CMIP: variants seen among roughly 807,000 people sequenced by gnomAD.
The protein encoded by CMIP is c-Maf inducing protein, also known as C-Maf-inducing protein.
Under a neutral mutation model 97.3 loss-of-function variants are expected in CMIP, and 13 were observed. That is an observed-to-expected ratio of 0.13 (90% CI 0.09 to 0.21). The LOEUF (loss-of-function observed/expected upper bound fraction) is 0.21. Among genes scored for constraint, CMIP ranks in the 10% least tolerant of loss-of-function variants. CMIP has a pLI of 1.00. For synonymous variants in CMIP, 538 were observed against 436.3 expected (o/e 1.23, Z -2.91); for missense variants, 847 against 1,024.9 (o/e 0.83, Z 2.37).
intron 1 of CMIP, among the ~76,000 whole-genome samples, chr16:81,547,609 CGG>C (rs1234121128): frequency 1.3e-5 from 2 of 148,674 alleles, no homozygotes; most frequent in African/African-American, 5.1e-5. Context: ...GGGTGGGAAG[CGG>C]GGGAGGAGGA....
intron 1 of CMIP, among the ~76,000 whole-genome samples, chr16:81,463,204 A>G (rs182773144): frequency 1.1e-3 from 167 of 152,278 alleles, no homozygotes; most frequent in African/African-American, 3.9e-3. Context: ...GGTTGTTAAC[A>G]TTTTAAGGAC....
intron 3 of CMIP, among the ~76,000 whole-genome samples, chr16:81,650,860 A>C (rs1020823963): frequency 1.3e-5 from 2 of 152,206 alleles, no homozygotes; most frequent in African/African-American, 4.8e-5. Flanking sequence ...AGGAAGAACC[A>C]GATCTTTCCG....
chr16:81,615,703 C>T (rs974386178), intron 2 of CMIP, among the ~76,000 whole-genome samples: 3 of 111,196 alleles, frequency 2.7e-5, no homozygotes, highest in South Asian at 3.0e-4. Flanking sequence ...CCTTGTGTGT[C>T]GTGTGTGTGC....
intron 2 of CMIP, among the ~76,000 whole-genome samples, chr16:81,615,052 GTC>G (rs1483120795): frequency 6.7e-6 from 1 of 149,614 alleles, no homozygotes; most frequent in Non-Finnish European, 1.5e-5. Context: ...GTATCTGTGT[GTC>G]TGTGTGAGGT....
In CMIP at chr16:81,552,143, C is replaced by T. The variant is rs369105355; in HGVS notation, c.301-55424C>T. Among the ~76,000 whole-genome samples, 5 of 152,184 alleles carry T rather than the reference C, an allele frequency of 3.3e-5. No homozygotes were observed. The East Asian group carries it at 9.7e-4, about 29-fold the overall frequency. On this transcript the variant is annotated intron_variant, in intron 1 of 20. Coordinates refer to ENST00000537098, the MANE Select transcript of CMIP (RefSeq NM_198390.3). ...TCCAGGCCCAGTTGTGTAGCGGTGGCCTGGCTGCAAGGGGGCAGGGAGTTG... is the reference window on the plus strand; with the variant it reads ...TCCAGGCCCAGTTGTGTAGCGGTGGTCTGGCTGCAAGGGGGCAGGGAGTTG...
At chr16:81,505,894 C>G (rs2089700371) in intron 1 of CMIP, among the ~76,000 whole-genome samples, 1 of 152,226 alleles carries the variant, frequency 6.6e-6, no homozygotes, top group South Asian at 2.1e-4. Context: ...ATTCGGGAGG[C>G]TGAGGCAGGA....
At chr16:81,629,791 C>G (rs1043334281) in intron 3 of CMIP, among the ~76,000 whole-genome samples, 1 of 152,230 alleles carries the variant, frequency 6.6e-6, no homozygotes, top group Non-Finnish European at 1.5e-5. Context: ...CAGAATCGTC[C>G]GTGAAGAGGC....
At chr16:81,574,867 G>C (rs146705113) in intron 1 of CMIP, among the ~76,000 whole-genome samples, 2 of 152,314 alleles carry the variant, frequency 1.3e-5, no homozygotes, top group African/African-American at 4.8e-5. Context: ...GCAAGGACAG[G>C]ATTGTCCCCT....
At chr16:81,513,234 C>G (rs948441836) in intron 1 of CMIP, among the ~76,000 whole-genome samples, 1 of 152,198 alleles carries the variant, frequency 6.6e-6, no homozygotes, top group African/African-American at 2.4e-5. Context: ...CTGCCTGCAT[C>G]CGTTGCTGCT....
At chr16:81,637,174 A>T (rs2092247991) in intron 3 of CMIP, among the ~76,000 whole-genome samples, 1 of 151,960 alleles carries the variant, frequency 6.6e-6, no homozygotes, top group Non-Finnish European at 1.5e-5. Context: ...GGGTTCAAGC[A>T]TTTCTCCTGC....
intron 1 of CMIP, among the ~76,000 whole-genome samples, chr16:81,561,376 G>C (rs1050987156): frequency 7.9e-5 from 12 of 152,218 alleles, no homozygotes; most frequent in Non-Finnish European, 1.8e-4. Context: ...ACATTGAACA[G>C]AGCTGTGAAT....
chr16:81,586,098 C>CT (rs1008861922), intron 1 of CMIP, among the ~76,000 whole-genome samples: 18 of 117,470 alleles, frequency 1.5e-4, no homozygotes, highest in East Asian at 1.1e-3. Flanking sequence ...GTGCTCCTAT[C>CT]TTTTTTTTTT....
intron 1 of CMIP, among the ~76,000 whole-genome samples, chr16:81,584,335 A>G (rs2091345392): frequency 1.3e-5 from 2 of 152,244 alleles, no homozygotes; most frequent in African/African-American, 4.8e-5. Context: ...GATGTCCTCC[A>G]GCAAGCACTC....
chr16:81,604,876 C>T (rs148009812), intron 1 of CMIP, among the ~76,000 whole-genome samples: 145 of 152,216 alleles, frequency 9.5e-4, no homozygotes, highest in Middle Eastern at 3.4e-3. Flanking sequence ...AGTTAAAACA[C>T]GGATGAAAGT....
rs1567656652 is a variant in CMIP, at chr16:81,678,642, C to CCG, written c.1388+17_1388+18dup. 1 of 1,322,288 alleles carries CCG rather than the reference C, an allele frequency of 7.6e-7. No individual in the cohort carries two copies. Among genetic ancestry groups the CCG allele is most frequent in the Non-Finnish European group, 1.1e-6 (1 of 935,942 alleles). The allele number at this position is 1,322,288 out of a possible 1,614,324, so 81.9% of individuals were successfully genotyped here. On this transcript the variant is annotated intron_variant, in intron 10 of 20. Coordinates refer to ENST00000537098, the MANE Select transcript of CMIP (RefSeq NM_198390.3). ...CCTCAAGCTGCTGTGAGTGCCCCCC[C>CCG]CGCGTGCCCGCCCCCGGGGCCGGTG...
intron 1 of CMIP, among the ~76,000 whole-genome samples, chr16:81,523,308 C>T (rs184068882): frequency 1.3e-5 from 2 of 152,326 alleles, no homozygotes; most frequent in African/African-American, 4.8e-5. Context: ...CCGTTGATTC[C>T]TGAATATCTA....
intron 1 of CMIP, among the ~76,000 whole-genome samples, chr16:81,455,287 G>T (rs1348227719): frequency 6.6e-6 from 1 of 152,168 alleles, no homozygotes; most frequent in Admixed American, 6.5e-5. Context: ...TCTTGCCAGG[G>T]GCTATGCTAT....
chr16:81,482,945 C>T (rs553604456), intron 1 of CMIP, among the ~76,000 whole-genome samples: 54 of 152,348 alleles, frequency 3.5e-4, no homozygotes, highest in African/African-American at 1.3e-3. Flanking sequence ...GTGGCGCGTC[C>T]ACTGTGCACC....
In CMIP at chr16:81,699,809, G is replaced by A; in HGVS notation, c.1755+8G>A. On this transcript the variant is annotated splice_region_variant and intron_variant, in intron 15 of 20. Coordinates refer to ENST00000537098, the MANE Select transcript of CMIP (RefSeq NM_198390.3). ...AACCAGACCATGGTGGAGGTAAGGA[G>A]CTGGTCGGGGTCCCTGGTGGGGTGG... The A allele has an allele frequency of 6.3e-7, 1 of 1,585,986 alleles. No homozygotes were observed.
Sources: gnomAD v4.1 joint callset for allele counts (sites outside exome capture counted in the v4.1 genomes callset) on GRCh38, gnomAD v4.1.1 for gene constraint, MANE v1.5 for transcripts, NCBI Gene and HGNC (gene_info 2026-07-23, HGNC 2026-07-21) for gene names.